COL24A1: variants seen among roughly 807,000 people sequenced by gnomAD.
The protein encoded by COL24A1 is collagen alpha-1(XXIV) chain.
A neutral mutation model predicts 253.9 loss-of-function variants in COL24A1; 224 were observed. The ratio of observed to expected loss-of-function variants is 0.88; its 90% CI spans 0.79 to 0.99. The LOEUF (loss-of-function observed/expected upper bound fraction) is 0.99. Among genes scored for constraint, COL24A1 ranks in the 50% least tolerant of loss-of-function variants. The pLI is 0.00. For missense variants in COL24A1, 2,131 were observed against 2,068.5 expected (o/e 1.03, Z -0.59); for synonymous variants, 685 against 673.7 (o/e 1.02, Z -0.26).
chr1:85,871,072 C>T lies in COL24A1; in HGVS notation c.3139-2237G>A, dbSNP rs145683160. ...CCATCAGAGAATACTACAAACACCC[C>T]TATGCATATAAACTAGAAAATCTAG... On this transcript the variant is annotated intron_variant, in intron 35 of 59. Coordinates refer to ENST00000370571, the MANE Select transcript of COL24A1 (RefSeq NM_152890.7). Among the ~76,000 whole-genome samples, 1,127 of 152,286 alleles carry T rather than the reference C, an allele frequency of 7.4e-3. 12 individuals carry two copies. The highest frequency in any genetic ancestry group is 0.025 in the African/African-American group (1,043 of 41,562).
rs1475605598 is a variant in COL24A1 at position 85,729,302 on chromosome 1, T to C, written c.*1244A>G. ...GCTGTGGCTAAAGATATATTTATAA[T>C]GGATGAACAAGCTTTTCTAGATACC... On this transcript the variant is annotated 3_prime_UTR_variant, in exon 60 of 60. Transcript: ENST00000370571. The C allele has an allele frequency of 6.6e-6, 1 of 152,204 alleles. No homozygotes were observed. Among genetic ancestry groups the C allele is most frequent in the East Asian group, 1.9e-4 (1 of 5,200 alleles). 9.4% of individuals were successfully genotyped at this position (152,204 alleles called of 1,614,324 possible).
intron 12 of COL24A1, chr1:86,045,863 A>G (rs76927573): frequency 0.021 from 9,178 of 442,934 alleles, 153 homozygotes; most frequent in Middle Eastern, 0.05. Flanking sequence ...TGAAGAAACA[A>G]TTCATGCCTC....
At chr1:85,733,609 T>C (rs1663739406) in intron 59 of COL24A1, among the ~76,000 whole-genome samples, 1 of 152,046 alleles carries the variant, frequency 6.6e-6, no homozygotes, top group Admixed American at 6.5e-5. Flanking sequence ...AGATAGAGTT[T>C]TGCTCTGTTG....
intron 5 of COL24A1, among the ~76,000 whole-genome samples, chr1:86,096,760 A>G (rs1703919597): frequency 6.6e-6 from 1 of 152,192 alleles, no homozygotes; most frequent in African/African-American, 2.4e-5. Context: ...GAAAAAATTC[A>G]TGTTGACAAA....
At chr1:85,795,470 A>G (rs1334201990) in intron 47 of COL24A1, among the ~76,000 whole-genome samples, 1 of 152,206 alleles carries the variant, frequency 6.6e-6, no homozygotes, top group African/African-American at 2.4e-5. Flanking sequence ...AACGATAAAA[A>G]TCTACATTCT....
intron 3 of COL24A1, among the ~76,000 whole-genome samples, chr1:86,121,299 A>T (rs75720820): frequency 0.18 from 26,567 of 149,858 alleles, 2,438 homozygotes; most frequent in South Asian, 0.27. Context: ...ATAAAAAAAA[A>T]TTCTACTCAG....
intron 52 of COL24A1, 83 bp downstream of exon 52, chr1:85,781,137 C>T (rs2101552807): frequency 3.0e-6 from 3 of 997,452 alleles, no homozygotes; most frequent in Non-Finnish European, 2.9e-6. Flanking sequence ...CTCAAATACC[C>T]AGGCTAATTC....
chr1:86,153,461 T>C (rs1035671827), intron 1 of COL24A1, among the ~76,000 whole-genome samples: 24 of 152,344 alleles, frequency 1.6e-4, no homozygotes, highest in African/African-American at 5.8e-4. Context: ...AATGTTAGCC[T>C]TTTATGAGAA....
intron 13 of COL24A1, 152 bp downstream of exon 13, chr1:86,033,718 T>A (rs534068910): frequency 8.0e-6 from 5 of 624,184 alleles, no homozygotes; most frequent in Non-Finnish European, 1.3e-5. Context: ...TTTCCTAAGC[T>A]GAAAAATCAC....
At chr1:86,009,050 A>G (rs749956435) in intron 19 of COL24A1, among the ~76,000 whole-genome samples, 25 of 152,236 alleles carry the variant, frequency 1.6e-4, no homozygotes, top group Non-Finnish European at 3.2e-4. Flanking sequence ...CTCTTAATTT[A>G]TAAGTGTAAG....
intron 2 of COL24A1, among the ~76,000 whole-genome samples, chr1:86,141,702 C>T (rs1332644229): frequency 1.4e-5 from 2 of 142,242 alleles, no homozygotes; most frequent in Non-Finnish European, 3.1e-5. Context: ...TAGTGTCTTA[C>T]TTTTTTTTTT....
intron 47 of COL24A1, among the ~76,000 whole-genome samples, chr1:85,802,531 T>C (rs908880311): frequency 3.3e-5 from 5 of 152,304 alleles, no homozygotes; most frequent in Middle Eastern, 3.4e-3. Flanking sequence ...ACTCATATAA[T>C]ATATGAATTT....
chr1:86,039,490 A>G (rs1183133839), intron 12 of COL24A1, among the ~76,000 whole-genome samples: 2 of 152,176 alleles, frequency 1.3e-5, no homozygotes, highest in Non-Finnish European at 2.9e-5. Flanking sequence ...CAATGACTAT[A>G]TTTACAGAAT....
intron 10 of COL24A1, 36 bp from the exon 11 acceptor site, chr1:86,050,213 T>C (rs770218501): frequency 1.3e-6 from 2 of 1,561,770 alleles, no homozygotes; most frequent in South Asian, 2.2e-5. Context: ...ATTAGTTCAT[T>C]TGAATATTCT....
chr1:86,054,192 C>A (rs561636979), intron 10 of COL24A1, among the ~76,000 whole-genome samples: 2 of 152,122 alleles, frequency 1.3e-5, no homozygotes, highest in African/African-American at 4.8e-5. Context: ...AAACTATAAT[C>A]CTAGAAGAAA....
intron 24 of COL24A1, among the ~76,000 whole-genome samples, chr1:85,948,309 G>T (rs922214362): frequency 4.0e-5 from 6 of 151,720 alleles, no homozygotes; most frequent in Non-Finnish European, 8.8e-5. Context: ...CGGATCACGA[G>T]GTCAGGAGAT....
intron 47 of COL24A1, among the ~76,000 whole-genome samples, chr1:85,813,137 G>GAA (rs146655969): frequency 2.0e-5 from 3 of 146,968 alleles, no homozygotes; most frequent in East Asian, 3.9e-4. Flanking sequence ...AGTGCTAAGT[G>GAA]AAAAAAAAAA....
chr1:85,831,035 C>A (rs2102110022), intron 43 of COL24A1, among the ~76,000 whole-genome samples: 1 of 152,116 alleles, frequency 6.6e-6, no homozygotes, highest in East Asian at 1.9e-4. Flanking sequence ...TTTCAACTTC[C>A]CGATAAAGAA....
At position 85,842,249 on chromosome 1, in the gene COL24A1, G is replaced by C. The variant is rs1189146869; in HGVS notation, c.3516+91C>G. ...CTAAATATGTTAGAAAGGTTTATCAGAGAGATTTCATCTTAATTTGAATAT... is the reference window on the plus strand; with the variant it reads ...CTAAATATGTTAGAAAGGTTTATCACAGAGATTTCATCTTAATTTGAATAT... On this transcript the variant is annotated intron_variant, in intron 40 of 59. Coordinates refer to ENST00000370571, the MANE Select transcript of COL24A1 (RefSeq NM_152890.7). The C allele has an allele frequency of 2.3e-6, 3 of 1,331,280 alleles. No homozygotes were observed. The African/African-American group carries it at 4.5e-5, about 20-fold the overall frequency. 82.5% of individuals were successfully genotyped at this position (1,331,280 alleles called of 1,614,324 possible).
Sources: gnomAD v4.1 joint callset for allele counts (sites outside exome capture counted in the v4.1 genomes callset) on GRCh38, gnomAD v4.1.1 for gene constraint, MANE v1.5 for transcripts, NCBI Gene and HGNC (gene_info 2026-07-23, HGNC 2026-07-21) for gene names.